HIPK2: variants seen among roughly 807,000 people sequenced by gnomAD.
The protein encoded by HIPK2 is homeodomain interacting protein kinase 2, also known as homeodomain-interacting protein kinase 2.
Under a neutral mutation model 113.7 loss-of-function variants are expected in HIPK2, and 27 were observed. The ratio of observed to expected loss-of-function variants is 0.24; its 90% CI spans 0.17 to 0.33. The LOEUF is 0.33. Ranked by LOEUF, HIPK2 falls within the 10% of genes least tolerant of loss-of-function variation. The probability of loss-of-function intolerance (pLI) is 1.00; values close to 1 mark genes in which losing one functional copy is unlikely to be tolerated. For synonymous variants in HIPK2, 631 were observed against 642.2 expected, an observed-to-expected ratio of 0.98 and a Z score of 0.26; for missense variants, 1,257 against 1,588.0, an observed-to-expected ratio of 0.79 and a Z score of 3.54.
At chr7:139,707,614 G>A (rs1794940842) in intron 2 of HIPK2, among the ~76,000 whole-genome samples, 3 of 152,216 alleles carry the variant, frequency 2.0e-5, no homozygotes, top group South Asian at 2.1e-4. Flanking sequence ...CTGTCTACTC[G>A]GGGACAGCCT....
chr7:139,592,765 A>G (rs960711150), intron 12 of HIPK2, among the ~76,000 whole-genome samples: 2 of 152,182 alleles, frequency 1.3e-5, no homozygotes, highest in Non-Finnish European at 2.9e-5. Context: ...TCTAATCGAA[A>G]TTGTCTATAA....
chr7:139,576,885 G>A (rs1179327848), intron 13 of HIPK2, among the ~76,000 whole-genome samples: 2 of 152,210 alleles, frequency 1.3e-5, no homozygotes, highest in Admixed American at 6.5e-5. Context: ...CCAGCTTGGG[G>A]AGTTCTGCAG....
chr7:139,658,306 C>CAAA (rs56399449), intron 2 of HIPK2, among the ~76,000 whole-genome samples: 13 of 137,612 alleles, frequency 9.4e-5, no homozygotes, highest in Non-Finnish European at 1.4e-4. Flanking sequence ...AACTTGGTCT[C>CAAA]AAAAAAAAAA....
intron 1 of HIPK2, chr7:139,777,247 G>C (rs1285547697): frequency 6.6e-6 from 1 of 152,368 alleles, no homozygotes; most frequent in African/African-American, 2.4e-5. Flanking sequence ...GAAAGGTAAT[G>C]TGGGGGGGCG....
At position 139,683,126 on chromosome 7, in the gene HIPK2, G is replaced by C. The variant is rs940832766; in HGVS notation, c.1103+32806C>G. ...GTTGATGAACAAAACCTTGCTGTTT[G>C]TACAATATTTAGCATTACCTGGAAG... is the stretch of plus-strand genomic sequence containing the variant. On this transcript the variant is annotated intron_variant, in intron 2 of 14. Transcript: ENST00000406875. This position sits in a 1 kb window ranked among gnomAD's most constrained non-coding sequence, Gnocchi z 4.2. Among the ~76,000 whole-genome samples, 2 of 152,168 alleles carry C rather than the reference G, an allele frequency of 1.3e-5. No individual in the cohort carries two copies. Among genetic ancestry groups the C allele is most frequent in the African/African-American group, 4.8e-5 (2 of 41,438 alleles).
chr7:139,632,829 G>C (rs1800664599), intron 2 of HIPK2, among the ~76,000 whole-genome samples: 1 of 152,098 alleles, frequency 6.6e-6, no homozygotes, highest in South Asian at 2.1e-4. Flanking sequence ...TGTTATCCCA[G>C]CACTTTGGGA....
rs567827314 is a variant in HIPK2, at chr7:139,570,855, G to C, written c.*2072C>G. ...GCAAACAATTAGAACCACCCTTTTC[G>C]GCCCCATCCTTGGCCAGATTCTCCT... On this transcript the variant is annotated 3_prime_UTR_variant, in exon 15 of 15. Coordinates refer to ENST00000406875, the MANE Select transcript of HIPK2 (RefSeq NM_022740.5). 1.3e-5 allele frequency: 2 copies of C among 151,996 alleles called. No individual in the cohort carries two copies. The highest frequency in any genetic ancestry group is 4.8e-5 in the African/African-American group (2 of 41,368). 9.4% of individuals were successfully genotyped at this position (151,996 alleles called of 1,614,324 possible). A position where few individuals can be genotyped will look rare whatever the true frequency, so the allele number is the denominator to read the frequency against.
Position 139,572,894 on chromosome 7 carries a change from T to TGCCGG in HIPK2, c.*32_*33insCCGGC. The TGCCGG allele has an allele frequency of 1.8e-6, 1 of 554,278 alleles. No homozygotes were observed. Among genetic ancestry groups the TGCCGG allele is most frequent in the Non-Finnish European group, 3.3e-6 (1 of 302,510 alleles). 34.3% of individuals were successfully genotyped at this position (554,278 alleles called of 1,614,324 possible). A position where few individuals can be genotyped will look rare whatever the true frequency, so the allele number is the denominator to read the frequency against. On this transcript the variant is annotated 3_prime_UTR_variant, in exon 15 of 15. Coordinates refer to ENST00000406875, the MANE Select transcript of HIPK2 (RefSeq NM_022740.5). ...CTCCCTCCTCCCTCGGGCCATTCTCTCCCTCCCTCCCTCCCTCCCTCCCCT... is the reference window on the plus strand; with the variant it reads ...CTCCCTCCTCCCTCGGGCCATTCTCTGCCGGCCCTCCCTCCCTCCCTCCCTCCCCT...
At chr7:139,760,312 CAT>C (rs58025582) in intron 1 of HIPK2, among the ~76,000 whole-genome samples, 9,607 of 152,132 alleles carry the variant, frequency 0.063, 1,020 homozygotes, top group African/African-American at 0.22. Context: ...CCCACATCTA[CAT>C]AGTTTTGACC....
At chr7:139,763,536 C>T (rs1269565660) in intron 1 of HIPK2, among the ~76,000 whole-genome samples, 1 of 142,628 alleles carries the variant, frequency 7.0e-6, no homozygotes, top group Non-Finnish European at 1.5e-5. Context: ...GCAGCTTTCA[C>T]TCTACAACTT....
At chr7:139,707,601 T>G (rs1337020690) in intron 2 of HIPK2, among the ~76,000 whole-genome samples, 2 of 152,234 alleles carry the variant, frequency 1.3e-5, no homozygotes, top group Non-Finnish European at 2.9e-5. Context: ...CAGTGGGGGC[T>G]GGCTGTCTAC....
intron 2 of HIPK2, among the ~76,000 whole-genome samples, chr7:139,652,881 G>A (rs1193517093): frequency 6.6e-6 from 1 of 152,140 alleles, no homozygotes; most frequent in Non-Finnish European, 1.5e-5. Flanking sequence ...GGTGGCTCAC[G>A]CCTGTAATCC....
intron 1 of HIPK2, among the ~76,000 whole-genome samples, chr7:139,732,628 T>C (rs1000093659): frequency 1.1e-4 from 16 of 151,954 alleles, no homozygotes; most frequent in African/African-American, 3.9e-4. Flanking sequence ...CTGCCCTTTC[T>C]AGCTCTGTGA....
chr7:139,750,489 C>T (rs1796261442), intron 1 of HIPK2, among the ~76,000 whole-genome samples: 1 of 152,180 alleles, frequency 6.6e-6, no homozygotes, highest in East Asian at 1.9e-4. Context: ...CATAGGCACA[C>T]ACATGCGTGA....
At chr7:139,762,120 C>G (rs1353592734) in intron 1 of HIPK2, among the ~76,000 whole-genome samples, 2 of 152,124 alleles carry the variant, frequency 1.3e-5, no homozygotes, top group African/African-American at 4.8e-5. Flanking sequence ...GATCTGTTAC[C>G]TTTCTAAAAT....
At chr7:139,710,796 T>C (rs1032787907) in intron 2 of HIPK2, among the ~76,000 whole-genome samples, 1 of 152,100 alleles carries the variant, frequency 6.6e-6, no homozygotes, top group Non-Finnish European at 1.5e-5. Flanking sequence ...GGGGCACACT[T>C]CCCCCTTGCT....
Position 139,620,571 on chromosome 7 carries a change from T to C in HIPK2, c.1620-8A>G, listed in dbSNP as rs1187760285. On this transcript the variant is annotated splice_region_variant and splice_polypyrimidine_tract_variant and intron_variant, in intron 6 of 14. Coordinates refer to ENST00000406875, the MANE Select transcript of HIPK2 (RefSeq NM_022740.5). ...TGGAAACATGATTTGACGCTGTTCA[T>C]GCAAAAGGCAGAGGCATATTGAGAC... 6.2e-7 allele frequency: 1 copy of C among 1,613,792 alleles called. No homozygotes were observed. The highest frequency in any genetic ancestry group is 8.5e-7 in the Non-Finnish European group (1 of 1,179,834).
At chr7:139,751,172 A>AC (rs1268480444) in intron 1 of HIPK2, among the ~76,000 whole-genome samples, 12 of 151,442 alleles carry the variant, frequency 7.9e-5, no homozygotes, top group Non-Finnish European at 1.8e-4. Context: ...ACCATAGTAA[A>AC]CACAGCCAAA....
At chr7:139,648,864 T>C (rs1422198827) in intron 2 of HIPK2, among the ~76,000 whole-genome samples, 2 of 151,918 alleles carry the variant, frequency 1.3e-5, no homozygotes, top group African/African-American at 4.8e-5. Flanking sequence ...TTACCATTAA[T>C]ACTAGGATAA....
Sources: allele counts gnomAD v4.1 joint callset (sites outside exome capture counted in the v4.1 genomes callset), GRCh38; gene constraint gnomAD v4.1.1; non-coding constraint Gnocchi (gnomAD v3.1); transcripts MANE v1.5; gene names NCBI Gene and HGNC (gene_info 2026-07-23, HGNC 2026-07-21).